The following THSD7A variants were observed in gnomAD, a reference collection of about 807,000 sequenced individuals.
THSD7A encodes the protein thrombospondin type-1 domain-containing protein 7A.
In THSD7A, 96 loss-of-function variants were observed where a neutral mutation model predicts 231.3. The ratio of observed to expected loss-of-function variants is 0.41; its 90% CI spans 0.35 to 0.49. The LOEUF is 0.49. THSD7A is among the 20% of genes least tolerant of loss of function. The pLI, the probability that THSD7A is intolerant of heterozygous loss-of-function variation, is 0.05. For missense variants in THSD7A, 2,290 were observed against 2,070.2 expected (o/e 1.11, Z -2.06); for synonymous variants, 940 against 743.3 (o/e 1.26, Z -4.30).
chr7:11,771,031 C>T (rs1240695554), intron 1 of THSD7A, among the ~76,000 whole-genome samples: 1 of 151,062 alleles, frequency 6.6e-6, no homozygotes, highest in Non-Finnish European at 1.5e-5. Context: ...ATAAAAGTAT[C>T]TCATACATTC....
At chr7:11,823,754 G>A (rs1784941133) in intron 1 of THSD7A, among the ~76,000 whole-genome samples, 2 of 151,810 alleles carry the variant, frequency 1.3e-5, no homozygotes, top group African/African-American at 4.8e-5. Flanking sequence ...TTCTCAGCTA[G>A]ATCATTATTG....
At chr7:11,463,959 G>C (rs1193280577) in intron 9 of THSD7A, among the ~76,000 whole-genome samples, 1 of 152,122 alleles carries the variant, frequency 6.6e-6, no homozygotes, top group African/African-American at 2.4e-5. Context: ...AGAATCCATT[G>C]TACTTCTATT....
At chr7:11,589,364 A>G (rs183725455) in intron 4 of THSD7A, among the ~76,000 whole-genome samples, 1 of 152,208 alleles carries the variant, frequency 6.6e-6, no homozygotes, top group African/African-American at 2.4e-5. Flanking sequence ...ATTCATACAC[A>G]TTGTTCCCTT....
intron 1 of THSD7A, among the ~76,000 whole-genome samples, chr7:11,640,059 A>C (rs186771071): frequency 2.7e-4 from 41 of 152,312 alleles, no homozygotes; most frequent in Non-Finnish European, 3.7e-4. Context: ...CTTTTTACAC[A>C]CTTCCAGAGT....
chr7:11,715,138 G>A (rs1328724068), intron 1 of THSD7A, among the ~76,000 whole-genome samples: 1 of 151,422 alleles, frequency 6.6e-6, no homozygotes, highest in African/African-American at 2.4e-5. Flanking sequence ...AACTAGGTGT[G>A]AAAGAAGTGG....
At chr7:11,769,127 A>ATG (rs1783127374) in intron 1 of THSD7A, among the ~76,000 whole-genome samples, 1 of 31,006 alleles carries the variant, frequency 3.2e-5, no homozygotes, top group Non-Finnish European at 7.3e-5. Context: ...CTGGCAATAT[A>ATG]TATATATATA....
At chr7:11,613,170 C>G (rs1780989864) in intron 2 of THSD7A, among the ~76,000 whole-genome samples, 1 of 152,162 alleles carries the variant, frequency 6.6e-6, no homozygotes, top group African/African-American at 2.4e-5. Context: ...TTCTGGGTAT[C>G]CCACAATCTT....
At chr7:11,573,209 G>A (rs753494854) in intron 4 of THSD7A, among the ~76,000 whole-genome samples, 5 of 152,098 alleles carry the variant, frequency 3.3e-5, no homozygotes, top group Admixed American at 1.3e-4. Context: ...TCACCTTTCA[G>A]TTCTCAAACT....
intron 1 of THSD7A, among the ~76,000 whole-genome samples, chr7:11,794,150 T>A (rs977811118): frequency 6.6e-6 from 1 of 151,954 alleles, no homozygotes; most frequent in East Asian, 1.9e-4. Flanking sequence ...TAAGTAAACA[T>A]ACAGGGCAGG....
At position 11,660,242 on chromosome 7, in the gene THSD7A, A is replaced by T. The variant is rs978188125; in HGVS notation, c.191-23281T>A. ...GCACTGGATATTCTCTGATGTTCAA[A>T]AGAGATATGGTTACTGCCCTTTTGC... On this transcript the variant is annotated intron_variant, in intron 1 of 27. Transcript: ENST00000423059. 3.3e-5 allele frequency among the ~76,000 whole-genome samples: 5 copies of T among 151,582 alleles called. No homozygotes were observed. The East Asian group carries it at 7.8e-4, about 24-fold the overall frequency.
chr7:11,613,383 A>T (rs1780997447), intron 2 of THSD7A, among the ~76,000 whole-genome samples: 1 of 152,192 alleles, frequency 6.6e-6, no homozygotes, highest in Non-Finnish European at 1.5e-5. Flanking sequence ...AAGTAGTTTC[A>T]GCTCATTTAG....
At chr7:11,512,483 C>T (rs1351451158) in intron 6 of THSD7A, among the ~76,000 whole-genome samples, 1 of 152,046 alleles carries the variant, frequency 6.6e-6, no homozygotes, top group African/African-American at 2.4e-5. Flanking sequence ...GACACATGCA[C>T]ACATATTTTT....
intron 1 of THSD7A, among the ~76,000 whole-genome samples, chr7:11,654,658 T>C (rs1042514896): frequency 5.3e-5 from 8 of 151,970 alleles, no homozygotes; most frequent in African/African-American, 7.2e-5. Flanking sequence ...AAGTATTAAA[T>C]AGCCATAACT....
chr7:11,389,364 T>C (rs1265093900), intron 23 of THSD7A, among the ~76,000 whole-genome samples: 1 of 151,570 alleles, frequency 6.6e-6, no homozygotes, highest in African/African-American at 2.4e-5. Flanking sequence ...TCTTCGTCTC[T>C]TTTGATCTTT....
In THSD7A at chr7:11,640,317, G is replaced by T. The variant is rs143097471; in HGVS notation, c.191-3356C>A. Among the ~76,000 whole-genome samples the T allele has an allele frequency of 7.3e-3, 1,109 of 152,240 alleles. 11 individuals are homozygous for T. Among genetic ancestry groups the T allele is most frequent in the African/African-American group, 0.025 (1,045 of 41,550 alleles). On this transcript the variant is annotated intron_variant, in intron 1 of 27. Coordinates refer to ENST00000423059, the MANE Select transcript of THSD7A (RefSeq NM_015204.3). The stretch of plus-strand genomic sequence containing the variant: ...AAGAAAATACTTCCAATCAATTTAT[G>T]ATTCAACAGATGCCATTTGCATAAT...
At chr7:11,471,896 A>G (rs898205011) in intron 8 of THSD7A, among the ~76,000 whole-genome samples, 5 of 152,124 alleles carry the variant, frequency 3.3e-5, no homozygotes, top group African/African-American at 1.2e-4. Flanking sequence ...ACTTTTGTTC[A>G]ATAAGGCAAT....
intron 1 of THSD7A, among the ~76,000 whole-genome samples, chr7:11,675,853 A>G (rs1036035454): frequency 1.3e-5 from 2 of 152,156 alleles, no homozygotes; most frequent in African/African-American, 4.8e-5. Flanking sequence ...GCTGACTTAA[A>G]CGTTCCTGCC....
At chr7:11,717,877 T>C (rs570119261) in intron 1 of THSD7A, among the ~76,000 whole-genome samples, 35 of 151,800 alleles carry the variant, frequency 2.3e-4, no homozygotes, top group African/African-American at 8.2e-4. Context: ...ATATGGTTTC[T>C]ATGATATTTT....
intron 2 of THSD7A, among the ~76,000 whole-genome samples, chr7:11,631,508 C>T (rs1781652962): frequency 6.6e-6 from 1 of 152,116 alleles, no homozygotes; most frequent in Non-Finnish European, 1.5e-5. Context: ...AATTTGGCAA[C>T]ACTTCATTCC....
Sources: allele counts gnomAD v4.1 joint callset (sites outside exome capture counted in the v4.1 genomes callset), GRCh38; gene constraint gnomAD v4.1.1; transcripts MANE v1.5; gene names NCBI Gene and HGNC (gene_info 2026-07-23, HGNC 2026-07-21).